Variants in LIMA1 observed in about 807,000 individuals in gnomAD.
The protein encoded by LIMA1 is LIM domain and actin binding 1, also known as LIM domain and actin-binding protein 1.
Under a neutral mutation model 62.6 loss-of-function variants are expected in LIMA1, and 52 were observed. That is an observed-to-expected ratio of 0.83 (90% CI 0.67 to 1.05). LIMA1 has a LOEUF of 1.05. Among genes scored for constraint, LIMA1 ranks in the 50% least tolerant of loss-of-function variants. LIMA1 has a pLI of 0.00. For synonymous variants in LIMA1, 302 were observed against 317.8 expected (o/e 0.95, Z 0.53); for missense variants, 780 against 902.2 (o/e 0.86, Z 1.74).
intron 10 of LIMA1, among the ~76,000 whole-genome samples, chr12:50,179,587 G>A (rs879925240): frequency 2.7e-5 from 4 of 148,548 alleles, no homozygotes; most frequent in Admixed American, 1.4e-4. Flanking sequence ...ACAGGCACTC[G>A]CCACCACACC....
intron 2 of LIMA1, among the ~76,000 whole-genome samples, chr12:50,238,561 A>G (rs2138609964): frequency 6.6e-6 from 1 of 152,002 alleles, no homozygotes; most frequent in East Asian, 1.9e-4. Context: ...TTGCGCATCA[A>G]AGAACACTAT....
intron 2 of LIMA1, among the ~76,000 whole-genome samples, chr12:50,237,379 G>A (rs532916401): frequency 1.3e-5 from 2 of 152,348 alleles, no homozygotes; most frequent in South Asian, 2.1e-4. Flanking sequence ...GCTCACGCCT[G>A]TAATCCCAGC....
At chr12:50,252,576 T>C (rs1462210161) in intron 1 of LIMA1, among the ~76,000 whole-genome samples, 4 of 92,268 alleles carry the variant, frequency 4.3e-5, no homozygotes, top group African/African-American at 2.0e-4. Context: ...AGCGAAACTG[T>C]CTCAAAAAAA....
At chr12:50,206,336 A>C (rs763409943) in intron 4 of LIMA1, among the ~76,000 whole-genome samples, 5 of 152,188 alleles carry the variant, frequency 3.3e-5, no homozygotes, top group Non-Finnish European at 7.3e-5. Flanking sequence ...GGGAATCCTC[A>C]CATACCAGAT....
chr12:50,248,599 C>G (rs772011138), intron 2 of LIMA1, 34 bp downstream of exon 2: 2 of 1,314,336 alleles, frequency 1.5e-6, no homozygotes, highest in African/African-American at 1.4e-5. Flanking sequence ...GTGCTCCAGA[C>G]AGATGGTCCT....
intron 9 of LIMA1, among the ~76,000 whole-genome samples, chr12:50,184,511 G>A (rs1044045031): frequency 1.3e-5 from 2 of 152,078 alleles, no homozygotes; most frequent in East Asian, 1.9e-4. Flanking sequence ...GCGTGGTGGC[G>A]GGCGCCTGTA....
At position 50,245,175 on chromosome 12, in the gene LIMA1, G is replaced by T. The variant is rs184466554; in HGVS notation, c.119+3458C>A. ...CACACCTGTAATCCCAGCACTTTGG[G>T]AGGCTGAGGCAGGAGGATCGCTTGA... On this transcript the variant is annotated intron_variant, in intron 2 of 10. Transcript: ENST00000341247. Among the ~76,000 whole-genome samples the T allele has an allele frequency of 2.9e-3, 446 of 152,242 alleles. 2 individuals are homozygous for T. The highest frequency in any genetic ancestry group is 9.8e-3 in the African/African-American group (407 of 41,532).
chr12:50,211,482 TA>T (rs35404088), intron 4 of LIMA1, among the ~76,000 whole-genome samples: 31,815 of 136,742 alleles, frequency 0.23, 4,090 homozygotes, highest in East Asian at 0.64. Flanking sequence ...GTCTCTGCTT[TA>T]AAAAAAAAAA....
intron 4 of LIMA1, among the ~76,000 whole-genome samples, chr12:50,216,214 T>G (rs932843198): frequency 1.3e-5 from 2 of 152,042 alleles, no homozygotes; most frequent in African/African-American, 4.8e-5. Flanking sequence ...CACCGTGGCA[T>G]TTCTTTTCTT....
At chr12:50,273,943 A>G (rs1207859435) in intron 1 of LIMA1, among the ~76,000 whole-genome samples, 1 of 152,196 alleles carries the variant, frequency 6.6e-6, no homozygotes, top group Non-Finnish European at 1.5e-5. Flanking sequence ...CAGAGTAACA[A>G]TCTGGGAAGT....
At chr12:50,277,395 C>T (rs1781562793) in intron 1 of LIMA1, among the ~76,000 whole-genome samples, 1 of 152,062 alleles carries the variant, frequency 6.6e-6, no homozygotes, top group South Asian at 2.1e-4. Context: ...CTCTATATAT[C>T]TAAAATTAGG....
At chr12:50,274,373 C>A (rs913386702) in intron 1 of LIMA1, among the ~76,000 whole-genome samples, 1 of 152,092 alleles carries the variant, frequency 6.6e-6, no homozygotes. Context: ...ATAATGAGGT[C>A]GAGAGATGCA....
chr12:50,198,215 A>G (rs985399128), intron 7 of LIMA1, among the ~76,000 whole-genome samples: 5 of 152,170 alleles, frequency 3.3e-5, no homozygotes, highest in Non-Finnish European at 7.3e-5. Context: ...GTATTCTGAC[A>G]ATATACCATC....
intron 4 of LIMA1, among the ~76,000 whole-genome samples, chr12:50,220,279 C>T (rs1250198478): frequency 1.3e-5 from 2 of 151,980 alleles, no homozygotes; most frequent in African/African-American, 2.4e-5. Flanking sequence ...AGGCTGGTCT[C>T]GAACTCCTGG....
chr12:50,211,242 G>A, intron 4 of LIMA1, among the ~76,000 whole-genome samples: 1 of 149,874 alleles, frequency 6.7e-6, no homozygotes, highest in East Asian at 2.0e-4. Context: ...AGAATCACTT[G>A]AACCTGGGAG....
At chr12:50,193,514 TGATATATATACAC>T (rs1377026189) in intron 8 of LIMA1, among the ~76,000 whole-genome samples, 1 of 137,848 alleles carries the variant, frequency 7.3e-6, no homozygotes, top group African/African-American at 2.7e-5. Context: ...TGTGTATATA[TGATATATATACAC>T]ATATATGATA....
intron 1 of LIMA1, among the ~76,000 whole-genome samples, chr12:50,280,003 G>A (rs1432814796): frequency 2.0e-5 from 3 of 152,010 alleles, no homozygotes; most frequent in Admixed American, 1.3e-4. Context: ...ATATTTGAAG[G>A]ACTGTAAAGT....
At chr12:50,192,035 T>C (rs1940786212) in intron 9 of LIMA1, among the ~76,000 whole-genome samples, 1 of 149,156 alleles carries the variant, frequency 6.7e-6, no homozygotes, top group Non-Finnish European at 1.5e-5. Context: ...CTCAGGAGGC[T>C]GAGACAGGAG....
chr12:50,177,662 T>G lies in LIMA1; in HGVS notation c.1682A>C (p.Glu561Ala), dbSNP rs1940381752. Residue 561 changes from glutamate to alanine, a missense_variant, in exon 11 of 11, where the codon GAA becomes GCA. Physicochemically the swap from Glu to Ala is moderately radical, Grantham distance 107 (BLOSUM62 -1). Transcript: ENST00000341247. ...CTCAGGAACTTCGGGCTTGCTGATT[T>G]CGTCTTCAGGAGGCCATTTGGGCTT... ...MSKPKWPPED[E>A]ISKPEVPEDV... 1.2e-6 allele frequency: 2 copies of G among 1,607,576 alleles called. No homozygotes were observed. The highest frequency in any genetic ancestry group is 1.1e-5 in the South Asian group (1 of 90,148).
Sources: gnomAD v4.1 joint callset for allele counts (sites outside exome capture counted in the v4.1 genomes callset) on GRCh38, gnomAD v4.1.1 for gene constraint, MANE v1.5 for transcripts, NCBI Gene and HGNC (gene_info 2026-07-23, HGNC 2026-07-21) for gene names.